The following NRXN3 variants were observed in gnomAD, a reference collection of about 807,000 sequenced individuals.
The protein encoded by NRXN3 is neurexin 3, also known as neurexin III.
A neutral mutation model predicts 137.6 loss-of-function variants in NRXN3; 32 were observed. That is an observed-to-expected ratio of 0.23 (90% CI 0.18 to 0.31). The LOEUF (loss-of-function observed/expected upper bound fraction) is 0.31. NRXN3 is among the 10% of genes least tolerant of loss of function. The pLI, the probability that NRXN3 is intolerant of heterozygous loss-of-function variation, is 1.00. For missense variants in NRXN3, 1,574 were observed against 2,062.5 expected, an observed-to-expected ratio of 0.76 and a Z score of 4.59; for synonymous variants, 798 against 784.5, an observed-to-expected ratio of 1.02 and a Z score of -0.29.
chr14:79,318,125 TAACATTTCCAAA>T (rs1189144772), intron 15 of NRXN3, among the ~76,000 whole-genome samples: 1 of 152,180 alleles, frequency 6.6e-6, no homozygotes, highest in Non-Finnish European at 1.5e-5. Flanking sequence ...TTTTGGACAG[TAACATTTCCAAA>T]AAAATATAGT....
intron 10 of NRXN3, among the ~76,000 whole-genome samples, chr14:78,883,947 A>G (rs1277049828): frequency 6.6e-6 from 1 of 152,212 alleles, no homozygotes; most frequent in Non-Finnish European, 1.5e-5. Flanking sequence ...TTTCTTTTGT[A>G]AAGAGGATAG....
At chr14:78,573,766 C>T (rs1025626845) in intron 4 of NRXN3, among the ~76,000 whole-genome samples, 7 of 151,982 alleles carry the variant, frequency 4.6e-5, no homozygotes, top group African/African-American at 1.5e-4. Flanking sequence ...CCTGACGATG[C>T]GATAGAAAAG....
At chr14:79,545,261 C>T in intron 16 of NRXN3, among the ~76,000 whole-genome samples, 1 of 152,234 alleles carries the variant, frequency 6.6e-6, no homozygotes, top group East Asian at 1.9e-4. Flanking sequence ...ATCAAGGTGT[C>T]AGAATTAGAG....
intron 8 of NRXN3, among the ~76,000 whole-genome samples, chr14:78,795,603 G>T (rs1310710239): frequency 6.6e-6 from 1 of 152,004 alleles, no homozygotes; most frequent in Non-Finnish European, 1.5e-5. Flanking sequence ...TCTAGAAATA[G>T]AAATGGGCTT....
chr14:79,180,497 G>A (rs1469340605), intron 15 of NRXN3, among the ~76,000 whole-genome samples: 5 of 152,140 alleles, frequency 3.3e-5, no homozygotes, highest in Non-Finnish European at 7.4e-5. Flanking sequence ...AGAAACAGAT[G>A]AAGAGTGATA....
chr14:78,755,044 C>T (rs1355366298), intron 8 of NRXN3, among the ~76,000 whole-genome samples: 1 of 152,070 alleles, frequency 6.6e-6, no homozygotes, highest in East Asian at 1.9e-4. Flanking sequence ...GCTCTATGCT[C>T]TTCCATTTAC....
At chr14:78,362,630 T>C (rs2085303472) in intron 4 of NRXN3, among the ~76,000 whole-genome samples, 1 of 152,190 alleles carries the variant, frequency 6.6e-6, no homozygotes, top group African/African-American at 2.4e-5. Flanking sequence ...TATTAACTTA[T>C]CCTATCTCTT....
intron 10 of NRXN3, among the ~76,000 whole-genome samples, chr14:78,851,915 G>A (rs1213387872): frequency 6.6e-6 from 1 of 152,054 alleles, no homozygotes; most frequent in Non-Finnish European, 1.5e-5. Context: ...AAAAAAATAG[G>A]AGTTTTTAGG....
At chr14:79,391,613 G>A (rs1566993419) in intron 15 of NRXN3, among the ~76,000 whole-genome samples, 1 of 152,136 alleles carries the variant, frequency 6.6e-6, no homozygotes, top group Admixed American at 6.6e-5. Flanking sequence ...ACTAAAGGGT[G>A]AGCTGTATCA....
chr14:78,444,335 C>T (rs557802875), intron 4 of NRXN3, among the ~76,000 whole-genome samples: 1 of 152,300 alleles, frequency 6.6e-6, no homozygotes, highest in Non-Finnish European at 1.5e-5. Flanking sequence ...TTCCTGGCCC[C>T]AGGGTGCCCA....
At chr14:79,818,754 A>G (rs1253025264) in intron 20 of NRXN3, among the ~76,000 whole-genome samples, 2 of 152,196 alleles carry the variant, frequency 1.3e-5, no homozygotes, top group Non-Finnish European at 2.9e-5. Context: ...TGAGTTTCCT[A>G]TGCAAGAAAA....
intron 16 of NRXN3, among the ~76,000 whole-genome samples, chr14:79,584,400 G>A (rs1238773586): frequency 6.6e-6 from 1 of 152,166 alleles, no homozygotes; most frequent in African/African-American, 2.4e-5. Context: ...ACAGATGGGT[G>A]TTTATTTGCA....
chr14:78,551,692 C>A (rs1322745792), intron 4 of NRXN3, among the ~76,000 whole-genome samples: 1 of 149,658 alleles, frequency 6.7e-6, no homozygotes, highest in Non-Finnish European at 1.5e-5. Flanking sequence ...CCCCTTTCTC[C>A]TTTTCCCATC....
At chr14:78,196,534 CAG>C (rs1401311928) in intron 1 of NRXN3, among the ~76,000 whole-genome samples, 1 of 152,192 alleles carries the variant, frequency 6.6e-6, no homozygotes, top group Non-Finnish European at 1.5e-5. Context: ...TAGGTGGCAA[CAG>C]AGAGCAACAC....
intron 4 of NRXN3, among the ~76,000 whole-genome samples, chr14:78,342,409 C>T (rs905633138): frequency 2.0e-5 from 3 of 152,012 alleles, no homozygotes; most frequent in Non-Finnish European, 4.4e-5. Flanking sequence ...AATTAGGTGC[C>T]AAGATTGCCG....
intron 15 of NRXN3, among the ~76,000 whole-genome samples, chr14:79,423,796 G>C (rs1194107765): frequency 6.6e-6 from 1 of 152,230 alleles, no homozygotes; most frequent in African/African-American, 2.4e-5. Context: ...CAATACTAGA[G>C]AAAGATAGAA....
At chr14:79,352,263 C>T (rs1054226433) in intron 15 of NRXN3, among the ~76,000 whole-genome samples, 1 of 152,098 alleles carries the variant, frequency 6.6e-6, no homozygotes, top group Non-Finnish European at 1.5e-5. Flanking sequence ...GGCTAATCAT[C>T]CAGATGTTTG....
chr14:78,258,676 T>G (rs1259194915), intron 2 of NRXN3, among the ~76,000 whole-genome samples: 1 of 152,228 alleles, frequency 6.6e-6, no homozygotes, highest in African/African-American at 2.4e-5. Context: ...TTTAAAATTC[T>G]TCACTGGTGA....
chr14:78,867,728 G>A (rs561339057), intron 10 of NRXN3, among the ~76,000 whole-genome samples: 2 of 152,146 alleles, frequency 1.3e-5, no homozygotes, highest in African/African-American at 2.4e-5. Context: ...AGGCCTTGCC[G>A]TGTTACCCCC....
Sources: allele counts gnomAD v4.1 joint callset (sites outside exome capture counted in the v4.1 genomes callset), GRCh38; gene constraint gnomAD v4.1.1; transcripts MANE v1.5; gene names NCBI Gene and HGNC (gene_info 2026-07-23, HGNC 2026-07-21).